ADAM22: variants seen among roughly 807,000 people sequenced by gnomAD.
ADAM22 encodes the protein ADAM metallopeptidase domain 22.
In ADAM22, 65 loss-of-function variants were observed where a neutral mutation model predicts 144.6. The observed-to-expected ratio is 0.45, with a 90% confidence interval of 0.37 to 0.55. The LOEUF (loss-of-function observed/expected upper bound fraction) is 0.55. Among genes scored for constraint, ADAM22 ranks in the 20% least tolerant of loss-of-function variants. The probability of loss-of-function intolerance (pLI) is 0.00; values close to 1 mark genes in which losing one functional copy is unlikely to be tolerated. For synonymous variants in ADAM22, 391 were observed against 412.6 expected (o/e 0.95, Z 0.63); for missense variants, 974 against 1,184.9 (o/e 0.82, Z 2.61).
At chr7:87,997,309 T>C (rs1001619004) in intron 3 of ADAM22, among the ~76,000 whole-genome samples, 2 of 152,248 alleles carry the variant, frequency 1.3e-5, no homozygotes, top group African/African-American at 4.8e-5. Flanking sequence ...AGCTCCTCAT[T>C]TGGCAATAAA....
intron 4 of ADAM22, among the ~76,000 whole-genome samples, chr7:88,093,907 G>A (rs1293013002): frequency 6.6e-6 from 1 of 152,092 alleles, no homozygotes; most frequent in Non-Finnish European, 1.5e-5. Context: ...AGATGGACTT[G>A]ATTTTCCCCA....
intron 2 of ADAM22, among the ~76,000 whole-genome samples, chr7:87,961,918 G>A (rs1240510316): frequency 6.6e-6 from 1 of 152,156 alleles, no homozygotes; most frequent in Non-Finnish European, 1.5e-5. Context: ...GTTTTGTGTA[G>A]GTTTGTTTCC....
At chr7:88,182,045 G>A (rs374304305) in intron 29 of ADAM22, 21 bp downstream of exon 29, 16 of 1,605,150 alleles carry the variant, frequency 1.0e-5, no homozygotes, top group Non-Finnish European at 1.4e-5. Flanking sequence ...ACCTCTAATG[G>A]AAAAAGGCAC....
At chr7:88,194,496 G>A (rs1448385727) in intron 31 of ADAM22, among the ~76,000 whole-genome samples, 1 of 152,152 alleles carries the variant, frequency 6.6e-6, no homozygotes, top group Admixed American at 6.5e-5. Flanking sequence ...GGGCTGTGGA[G>A]AGTGGAACAA....
At chr7:88,048,271 G>A (rs1012174944) in intron 3 of ADAM22, among the ~76,000 whole-genome samples, 1 of 152,104 alleles carries the variant, frequency 6.6e-6, no homozygotes, top group Non-Finnish European at 1.5e-5. Context: ...TAACTTCTTA[G>A]TGGATAGTTA....
chr7:88,060,701 A>G (rs1809556601), intron 3 of ADAM22, among the ~76,000 whole-genome samples: 1 of 150,180 alleles, frequency 6.7e-6, no homozygotes, highest in South Asian at 2.1e-4. Flanking sequence ...TGGGAGGCAG[A>G]CCTTGCAGTG....
At chr7:88,031,455 G>A (rs1413976371) in intron 3 of ADAM22, among the ~76,000 whole-genome samples, 1 of 152,202 alleles carries the variant, frequency 6.6e-6, no homozygotes, top group African/African-American at 2.4e-5. Context: ...ACTTATTGGG[G>A]ACTGGAGTAA....
intron 29 of ADAM22, among the ~76,000 whole-genome samples, chr7:88,185,459 T>C (rs1290535297): frequency 2.6e-5 from 4 of 152,140 alleles, no homozygotes; most frequent in Non-Finnish European, 5.9e-5. Context: ...TAACCAGAAA[T>C]AAATAATGTA....
rs1050021458 is a variant in ADAM22 at position 88,041,466 on chromosome 7, A to T, written c.324-34160A>T. Among the ~76,000 whole-genome samples the T allele has an allele frequency of 4.0e-5, 6 of 151,652 alleles. 1 individual carries two copies. The highest frequency in any genetic ancestry group is 9.7e-5 in the African/African-American group (4 of 41,342). Reference sequence around the variant, plus strand: ...CATCCATATATATTTTATATATATAAAAATACCTAAAAATGTTTTAATATA... The same window carrying T: ...CATCCATATATATTTTATATATATATAAATACCTAAAAATGTTTTAATATA... On this transcript the variant is annotated intron_variant, in intron 3 of 31. Transcript: ENST00000413139.
At chr7:88,045,084 C>T (rs1804247472) in intron 3 of ADAM22, among the ~76,000 whole-genome samples, 1 of 151,564 alleles carries the variant, frequency 6.6e-6, no homozygotes, top group African/African-American at 2.4e-5. Flanking sequence ...ATGGCGTGAT[C>T]TCAGCTCACT....
rs1849949686 is a variant in ADAM22, at chr7:88,193,026, G to T, written c.2751-90G>T. 2.7e-6 allele frequency: 4 copies of T among 1,506,822 alleles called. 1 individual carries two copies. In the South Asian group the frequency reaches 3.7e-5, roughly 14 times the overall value. The allele number at this position is 1,506,822 out of a possible 1,614,324, so 93.3% of individuals were successfully genotyped here. On this transcript the variant is annotated intron_variant, in intron 30 of 31. Coordinates refer to ENST00000413139, the MANE Select transcript of ADAM22 (RefSeq NM_001324418.2). ...CAGTAGTGGTATATGAAAGTTAGAA[G>T]TCAGAGGGTTTGTTCTGAACACACT...
intron 2 of ADAM22, among the ~76,000 whole-genome samples, chr7:87,955,421 T>C (rs1584575354): frequency 6.6e-6 from 1 of 152,232 alleles, no homozygotes; most frequent in East Asian, 1.9e-4. Flanking sequence ...TTTGCCTGGA[T>C]ATCAGCAGCG....
At chr7:88,012,251 G>A (rs943696808) in intron 3 of ADAM22, among the ~76,000 whole-genome samples, 1 of 151,964 alleles carries the variant, frequency 6.6e-6, no homozygotes, top group Non-Finnish European at 1.5e-5. Context: ...TCAGCTCTTG[G>A]ATGTTGTCTA....
At position 88,038,606 on chromosome 7, in the gene ADAM22, C is replaced by T. The variant is rs564107377; in HGVS notation, c.324-37020C>T. Reference sequence around the variant, plus strand: ...TGTAGCTGGGACTACAGGCGCGCACCACCATGCCCGGCTAATTTTTGTATT... The same window carrying T: ...TGTAGCTGGGACTACAGGCGCGCACTACCATGCCCGGCTAATTTTTGTATT... On this transcript the variant is annotated intron_variant, in intron 3 of 31. Transcript: ENST00000413139. Among the ~76,000 whole-genome samples the T allele has an allele frequency of 2.0e-4, 30 of 151,742 alleles. No homozygotes were observed. The East Asian group carries it at 2.7e-3, about 14-fold the overall frequency.
intron 2 of ADAM22, among the ~76,000 whole-genome samples, chr7:87,955,033 T>C (rs574811306): frequency 1.3e-5 from 2 of 151,926 alleles, no homozygotes; most frequent in South Asian, 2.1e-4. Flanking sequence ...GTTATACATT[T>C]GTCTAAATTT....
intron 2 of ADAM22, among the ~76,000 whole-genome samples, chr7:87,971,344 G>A (rs1850402539): frequency 6.6e-6 from 1 of 152,114 alleles, no homozygotes; most frequent in South Asian, 2.1e-4. Flanking sequence ...AAAGCAAGGA[G>A]TTGAAATATG....
intron 3 of ADAM22, among the ~76,000 whole-genome samples, chr7:88,050,489 A>G (rs1414393724): frequency 6.6e-6 from 1 of 151,168 alleles, no homozygotes. Flanking sequence ...TAACTCAAAA[A>G]AAAAAAAAAA....
intron 3 of ADAM22, among the ~76,000 whole-genome samples, chr7:88,008,248 C>G (rs1427702834): frequency 2.0e-5 from 3 of 151,378 alleles, no homozygotes; most frequent in Admixed American, 6.6e-5. Context: ...AGTCAGGAAA[C>G]AACAGGTGCT....
At chr7:88,129,752 C>G (rs1409414838) in intron 9 of ADAM22, among the ~76,000 whole-genome samples, 1 of 152,034 alleles carries the variant, frequency 6.6e-6, no homozygotes, top group South Asian at 2.1e-4. Flanking sequence ...CATGGCCTGT[C>G]TAAGGGGAGC....
Sources: gnomAD v4.1 joint callset for allele counts (sites outside exome capture counted in the v4.1 genomes callset) on GRCh38, gnomAD v4.1.1 for gene constraint, MANE v1.5 for transcripts, NCBI Gene and HGNC (gene_info 2026-07-23, HGNC 2026-07-21) for gene names.